Variants in SGCD observed in about 807,000 individuals in gnomAD.
SGCD encodes sarcoglycan delta, also known as delta-sarcoglycan.
In SGCD, 18 loss-of-function variants were observed where a neutral mutation model predicts 36.6. That is an observed-to-expected ratio of 0.49 (90% confidence interval 0.34 to 0.73). SGCD has a LOEUF of 0.73. Ranked by LOEUF, SGCD falls within the 30% of genes least tolerant of loss-of-function variation. The pLI is 0.01. For synonymous variants in SGCD, 133 were observed against 130.6 expected, an observed-to-expected ratio of 1.02 and a Z score of -0.12; for missense variants, 387 against 346.7, an observed-to-expected ratio of 1.12 and a Z score of -0.92.
intron 1 of SGCD, among the ~76,000 whole-genome samples, chr5:156,022,282 T>C (rs762091592): frequency 4.6e-5 from 7 of 152,226 alleles, no homozygotes; most frequent in Admixed American, 2.0e-4. Context: ...TATATTGTGA[T>C]TTCATAAGCT....
intron 1 of SGCD, among the ~76,000 whole-genome samples, chr5:155,945,678 C>A (rs997098533): frequency 6.6e-6 from 1 of 152,004 alleles, no homozygotes; most frequent in Non-Finnish European, 1.5e-5. Flanking sequence ...GTGCCAGGGA[C>A]CCTCAAGGAA....
chr5:155,942,992 A>G (rs756337738), intron 1 of SGCD, among the ~76,000 whole-genome samples: 4 of 152,194 alleles, frequency 2.6e-5, no homozygotes, highest in Non-Finnish European at 5.9e-5. Context: ...TTTCCACATA[A>G]CAGATTTAAA....
At chr5:156,177,690 A>AC (rs1763506499) in intron 3 of SGCD, among the ~76,000 whole-genome samples, 1 of 151,938 alleles carries the variant, frequency 6.6e-6, no homozygotes, top group Admixed American at 6.6e-5. Flanking sequence ...AATTTTCATC[A>AC]CCCCCCAAAA....
intron 3 of SGCD, among the ~76,000 whole-genome samples, chr5:156,261,959 T>C (rs1765879951): frequency 6.6e-6 from 1 of 152,164 alleles, no homozygotes; most frequent in Non-Finnish European, 1.5e-5. Flanking sequence ...GTACGATGTA[T>C]TTGTGCTTCA....
At chr5:155,770,117 G>A in the SGCD span, among the ~76,000 whole-genome samples, 19 of 151,954 alleles carry the variant, frequency 1.3e-4, no homozygotes, top group Admixed American at 1.3e-4. Flanking sequence ...ATCGTGCTGG[G>A]TGCTGAAGAT....
rs79639234 is a variant in SGCD, at chr5:156,529,149, C to T, written c.294+20447C>T. On this transcript the variant is annotated intron_variant, in intron 4 of 8. Transcript: ENST00000337851. Reference sequence around the variant, plus strand: ...GTAGCCTTAAGAAAGGCACATGGGCCGGTGCGCCAGCTCACGTCTGTAATC... The same window carrying T: ...GTAGCCTTAAGAAAGGCACATGGGCTGGTGCGCCAGCTCACGTCTGTAATC... Among the ~76,000 whole-genome samples the T allele has an allele frequency of 1.9e-3, 285 of 151,896 alleles. 5 individuals are homozygous for T. In the East Asian group the frequency reaches 0.033, roughly 17 times the overall value.
intron 4 of SGCD, among the ~76,000 whole-genome samples, chr5:156,528,415 G>A (rs929030546): frequency 4.6e-5 from 7 of 151,592 alleles, no homozygotes; most frequent in South Asian, 2.1e-4. Flanking sequence ...TTTTGCCACC[G>A]TCTCCTTAGT....
intron 6 of SGCD, among the ~76,000 whole-genome samples, chr5:156,629,855 CTT>C (rs560099325): frequency 1.2e-4 from 10 of 85,594 alleles, no homozygotes; most frequent in Admixed American, 1.2e-4. Context: ...GAGACTTTTT[CTT>C]TTTTTTTTTT....
At chr5:156,085,700 AT>A (rs773679762) in intron 1 of SGCD, among the ~76,000 whole-genome samples, 1 of 152,228 alleles carries the variant, frequency 6.6e-6, no homozygotes, top group Non-Finnish European at 1.5e-5. Flanking sequence ...TAAAATTACT[AT>A]TCTTTAAATA....
chr5:156,232,581 G>A (rs1274921792), intron 3 of SGCD, among the ~76,000 whole-genome samples: 1 of 151,848 alleles, frequency 6.6e-6, no homozygotes, highest in Non-Finnish European at 1.5e-5. Flanking sequence ...TACTTATATG[G>A]GCTGCATTGT....
At chr5:156,018,249 AT>A (rs895684084) in intron 1 of SGCD, among the ~76,000 whole-genome samples, 2 of 151,822 alleles carry the variant, frequency 1.3e-5, no homozygotes, top group East Asian at 1.9e-4. Flanking sequence ...GAAAATTCTC[AT>A]TTTTTTTCTA....
At chr5:156,181,871 C>A (rs60446159) in intron 3 of SGCD, among the ~76,000 whole-genome samples, 38,005 of 152,054 alleles carry the variant, frequency 0.25, 5,168 homozygotes, top group East Asian at 0.57. Context: ...TTTAGCTAAT[C>A]ATTTATGAGG....
intron 2 of SGCD, among the ~76,000 whole-genome samples, chr5:156,341,079 T>G (rs1222545052): frequency 6.6e-6 from 1 of 152,112 alleles, no homozygotes; most frequent in Non-Finnish European, 1.5e-5. Context: ...GAGGGTGTGG[T>G]GGAGATGACA....
chr5:156,307,032 A>G (rs189391958), intron 3 of SGCD, among the ~76,000 whole-genome samples: 2 of 144,608 alleles, frequency 1.4e-5, no homozygotes, highest in East Asian at 2.1e-4. Context: ...TGCACAGAAT[A>G]TAAGTTTTCT....
At chr5:155,900,958 T>A (rs989503030) in intron 1 of SGCD, among the ~76,000 whole-genome samples, 1 of 152,124 alleles carries the variant, frequency 6.6e-6, no homozygotes, top group Admixed American at 6.6e-5. Context: ...TTTAAAGGTA[T>A]ACTTTATCAC....
intron 3 of SGCD, among the ~76,000 whole-genome samples, chr5:156,427,484 A>T (rs1773724688): frequency 6.6e-6 from 1 of 152,118 alleles, no homozygotes; most frequent in Non-Finnish European, 1.5e-5. Flanking sequence ...ATTGGTGAAC[A>T]GCGACAGTTT....
intron 1 of SGCD, among the ~76,000 whole-genome samples, chr5:156,032,190 A>G (rs1243797296): frequency 6.6e-6 from 1 of 151,972 alleles, no homozygotes; most frequent in Non-Finnish European, 1.5e-5. Flanking sequence ...GTCAATAAAC[A>G]TACTTCTACA....
At chr5:156,275,421 T>A (rs1766291086) in intron 3 of SGCD, among the ~76,000 whole-genome samples, 1 of 152,200 alleles carries the variant, frequency 6.6e-6, no homozygotes, top group South Asian at 2.1e-4. Context: ...CTTAAATATG[T>A]ATGTAGTAGA....
chr5:156,341,811 A>G (rs748017522), intron 2 of SGCD, among the ~76,000 whole-genome samples: 9 of 152,202 alleles, frequency 5.9e-5, no homozygotes, highest in Admixed American at 2.0e-4. Context: ...CCCGGGTTCA[A>G]GCAATTCTCC....
Sources: allele counts gnomAD v4.1 joint callset (sites outside exome capture counted in the v4.1 genomes callset), GRCh38; gene constraint gnomAD v4.1.1; transcripts MANE v1.5; gene names NCBI Gene and HGNC (gene_info 2026-07-23, HGNC 2026-07-21).